The following GTF2IRD1 variants were observed in gnomAD, a reference collection of about 807,000 sequenced individuals.
GTF2IRD1 encodes the protein general transcription factor II-I repeat domain-containing protein 1.
A neutral mutation model predicts 113.2 loss-of-function variants in GTF2IRD1; 26 were observed. The ratio of observed to expected loss-of-function variants is 0.23; its 90% CI spans 0.17 to 0.32. The LOEUF is 0.32. GTF2IRD1 is among the 10% of genes least tolerant of loss of function. The pLI, the probability that GTF2IRD1 is intolerant of heterozygous loss-of-function variation, is 1.00. For synonymous variants in GTF2IRD1, 484 were observed against 529.1 expected (o/e 0.91, Z 1.17); for missense variants, 864 against 1,280.8 (o/e 0.67, Z 4.97).
At chr7:74,517,666 C>T (rs944509202) in intron 4 of GTF2IRD1, among the ~76,000 whole-genome samples, 5 of 151,456 alleles carry the variant, frequency 3.3e-5, no homozygotes, top group Admixed American at 2.6e-4. Flanking sequence ...GTGATCCTCC[C>T]TCCTCAGCCT....
chr7:74,565,212 C>G (rs1188053233), intron 22 of GTF2IRD1, among the ~76,000 whole-genome samples: 2 of 152,202 alleles, frequency 1.3e-5, no homozygotes, highest in Non-Finnish European at 2.9e-5. Context: ...ACCCACCTGC[C>G]TGCAGCGGCA....
intron 8 of GTF2IRD1, 83 bp from the exon 9 acceptor site, chr7:74,529,651 G>T (rs2130441828): frequency 3.5e-6 from 4 of 1,136,484 alleles, no homozygotes; most frequent in Non-Finnish European, 3.9e-6. Context: ...GACGGTGGGA[G>T]GTGATGGGGA....
intron 22 of GTF2IRD1, among the ~76,000 whole-genome samples, chr7:74,589,152 AG>A (rs1158297361): frequency 6.6e-5 from 10 of 152,234 alleles, no homozygotes; most frequent in Admixed American, 5.2e-4. Flanking sequence ...GGCCAGCAAG[AG>A]GATCACTTCA....
chr7:74,515,404 G>T, intron 3 of GTF2IRD1, 37 bp from the exon 4 acceptor site: 1 of 1,554,166 alleles, frequency 6.4e-7, no homozygotes, highest in Non-Finnish European at 8.7e-7. Flanking sequence ...GGTGAGACGG[G>T]TGCTCACTGT....
At chr7:74,493,958 G>A (rs138853010) in intron 1 of GTF2IRD1, among the ~76,000 whole-genome samples, 1 of 152,208 alleles carries the variant, frequency 6.6e-6, no homozygotes, top group East Asian at 1.9e-4. Flanking sequence ...AACTCAAGCC[G>A]TGTCCACTCT....
intron 1 of GTF2IRD1, among the ~76,000 whole-genome samples, chr7:74,488,471 C>A (rs931683771): frequency 6.6e-5 from 10 of 152,188 alleles, no homozygotes; most frequent in African/African-American, 2.4e-4. Context: ...ATGAAAGAAA[C>A]CTCTGGCTGG....
intron 1 of GTF2IRD1, among the ~76,000 whole-genome samples, chr7:74,475,266 A>G (rs886242837): frequency 1.3e-5 from 2 of 152,200 alleles, no homozygotes; most frequent in African/African-American, 4.8e-5. Context: ...TCTTAAAAAA[A>G]GAAAGAAAGA....
chr7:74,543,153 T>C (rs782097676), intron 14 of GTF2IRD1, among the ~76,000 whole-genome samples: 6 of 151,884 alleles, frequency 4.0e-5, no homozygotes, highest in Admixed American at 2.0e-4. Context: ...AAATACAAAA[T>C]TAGCTGGGCA....
intron 22 of GTF2IRD1, among the ~76,000 whole-genome samples, chr7:74,578,917 G>A (rs1190810304): frequency 2.0e-5 from 3 of 151,720 alleles, no homozygotes; most frequent in Non-Finnish European, 4.4e-5. Flanking sequence ...AGCCCAGGAG[G>A]CAGAGGTTGC....
chr7:74,549,427 A>G (rs587600907), intron 17 of GTF2IRD1, among the ~76,000 whole-genome samples: 5 of 152,288 alleles, frequency 3.3e-5, no homozygotes, highest in African/African-American at 1.2e-4. Context: ...GTCATTTTTC[A>G]TACAGTGGCG....
intron 1 of GTF2IRD1, among the ~76,000 whole-genome samples, chr7:74,463,914 G>A (rs1020089671): frequency 2.6e-5 from 4 of 152,070 alleles, no homozygotes; most frequent in African/African-American, 9.7e-5. Flanking sequence ...AGTAGAGGCG[G>A]AGTTTCACCA....
chr7:74,539,573 A>G (rs1583832281), intron 13 of GTF2IRD1, among the ~76,000 whole-genome samples: 1 of 152,010 alleles, frequency 6.6e-6, no homozygotes, highest in East Asian at 1.9e-4. Context: ...GTGAAACCCC[A>G]TCTCTACTAA....
intron 22 of GTF2IRD1, among the ~76,000 whole-genome samples, chr7:74,577,383 C>T (rs1251681117): frequency 6.6e-6 from 1 of 152,136 alleles, no homozygotes; most frequent in South Asian, 2.1e-4. Flanking sequence ...CCTGCTTTCT[C>T]TCTCACACAC....
intron 1 of GTF2IRD1, among the ~76,000 whole-genome samples, chr7:74,504,347 A>G (rs1164422301): frequency 6.6e-6 from 1 of 152,154 alleles, no homozygotes; most frequent in Non-Finnish European, 1.5e-5. Flanking sequence ...TCCTGTTCCC[A>G]TTGCTCCCTG....
intron 1 of GTF2IRD1, among the ~76,000 whole-genome samples, chr7:74,462,233 G>A (rs181542395): frequency 6.6e-6 from 1 of 152,218 alleles, no homozygotes; most frequent in East Asian, 1.9e-4. Context: ...GCCGGGTGTG[G>A]TGATGTGTGC....
At chr7:74,584,597 A>T (rs1362310473) in intron 22 of GTF2IRD1, among the ~76,000 whole-genome samples, 2 of 152,128 alleles carry the variant, frequency 1.3e-5, no homozygotes, top group African/African-American at 4.8e-5. Flanking sequence ...TTCTATTCTT[A>T]TCTTTGTCCC....
chr7:74,496,844 C>T (rs1554338217), intron 1 of GTF2IRD1, among the ~76,000 whole-genome samples: 1 of 152,082 alleles, frequency 6.6e-6, no homozygotes, highest in East Asian at 1.9e-4. Flanking sequence ...CACTTCCTCT[C>T]TTCCCCCCTC....
intron 1 of GTF2IRD1, among the ~76,000 whole-genome samples, chr7:74,480,772 C>T (rs1356133450): frequency 2.6e-5 from 4 of 152,208 alleles, no homozygotes; most frequent in Admixed American, 6.5e-5. Flanking sequence ...GTGCCCGCCC[C>T]GGGGGACGGG....
chr7:74,539,491 C>T (rs1798499965), intron 13 of GTF2IRD1, among the ~76,000 whole-genome samples: 2 of 152,062 alleles, frequency 1.3e-5, no homozygotes, highest in South Asian at 4.1e-4. Context: ...CGCCTATAAT[C>T]CCAGCACTTT....
Sources: allele counts gnomAD v4.1 joint callset (sites outside exome capture counted in the v4.1 genomes callset), GRCh38; gene constraint gnomAD v4.1.1; transcripts MANE v1.5; gene names NCBI Gene and HGNC (gene_info 2026-07-23, HGNC 2026-07-21).